The following RUSC2 variants were observed in gnomAD, a reference collection of about 807,000 sequenced individuals.
RUSC2 encodes AP-4 complex accessory subunit RUSC2.
In RUSC2, 34 loss-of-function variants were observed where a neutral mutation model predicts 122.2. That is an observed-to-expected ratio of 0.28 (90% CI 0.21 to 0.37). RUSC2 has a LOEUF of 0.37. RUSC2 is among the 10% of genes least tolerant of loss of function. RUSC2 has a pLI of 1.00. For synonymous variants in RUSC2, 784 were observed against 790.0 expected (o/e 0.99, Z 0.13); for missense variants, 1,747 against 1,952.4 (o/e 0.89, Z 1.98).
At chr9:35,553,698 G>A (rs1273964394) in intron 2 of RUSC2, among the ~76,000 whole-genome samples, 1 of 152,200 alleles carries the variant, frequency 6.6e-6, no homozygotes, top group East Asian at 1.9e-4. Flanking sequence ...TAAGGACGGG[G>A]AAGTGTGGCT....
rs140691290 is a variant in RUSC2 at position 35,499,629 on chromosome 9, A to T, written c.-93+9457A>T. Among the ~76,000 whole-genome samples, 594 of 152,356 alleles carry T rather than the reference A, an allele frequency of 3.9e-3. 7 individuals are homozygous for T. The highest frequency in any genetic ancestry group is 0.014 in the African/African-American group (565 of 41,580). ...ATCTTAGGATCAAAAGTCTATACTTAACTTGTTTATCTTAGGATCCAAAAA... is the reference window on the plus strand; with the variant it reads ...ATCTTAGGATCAAAAGTCTATACTTTACTTGTTTATCTTAGGATCCAAAAA... On this transcript the variant is annotated intron_variant, in intron 1 of 11. Transcript: ENST00000361226.
At chr9:35,540,870 C>A (rs910293195) in intron 1 of RUSC2, among the ~76,000 whole-genome samples, 2 of 152,114 alleles carry the variant, frequency 1.3e-5, no homozygotes, top group Admixed American at 1.3e-4. Flanking sequence ...GGATTGAATC[C>A]CATCTCAGAT....
rs1376162861 is a variant in RUSC2 at position 35,555,261 on chromosome 9, C to G, written c.2216C>G (p.Ala739Gly). 6.2e-7 allele frequency: 1 copy of G among 1,613,486 alleles called. No homozygotes were observed. Among genetic ancestry groups the G allele is most frequent in the East Asian group, 2.2e-5 (1 of 44,878 alleles). ...QQPAPLAAPA[A>G]QVSVPAPSGE... ...CCTGCCCCACTGGCTGCCCCTGCTG[C>G]TCAAGTCTCAGTCCCAGCTCCCTCA... Residue 739 changes from alanine to glycine, a missense_variant, in exon 3 of 12, where the codon GCT (alanine) becomes GGT (glycine). Coordinates refer to ENST00000361226, the MANE Select transcript of RUSC2 (RefSeq NM_014806.5). This position sits in a 1 kb window ranked among gnomAD's most constrained non-coding sequence, Gnocchi z 4.6.
rs1821991610 is a variant in RUSC2 at position 35,555,399 on chromosome 9, G to A, written c.2354G>A (p.Ser785Asn). The A allele has an allele frequency of 5.0e-6, 8 of 1,614,244 alleles. No individual in the cohort carries two copies. Among genetic ancestry groups the A allele is most frequent in the Non-Finnish European group, 5.9e-6 (7 of 1,180,042 alleles). ...CTGGGCAGCTACTCCCCCATCCGGA[G>A]TGTTGGCCCCTTTGGGCCCAGCACT... is the stretch of plus-strand genomic sequence containing the variant. ...SPLGSYSPIR[S>N]VGPFGPSTDS... The change falls in exon 3 of 12, where the codon AGT becomes AAT. Residue 785 changes from serine (S) to asparagine (N), a missense_variant. Physicochemically the swap from Ser to Asn is conservative, Grantham distance 46. Coordinates refer to ENST00000361226, the MANE Select transcript of RUSC2 (RefSeq NM_014806.5). The surrounding 1 kb of genome is among the most constrained non-coding windows in gnomAD (Gnocchi z 4.6).
At chr9:35,531,141 G>A (rs185426579) in intron 1 of RUSC2, among the ~76,000 whole-genome samples, 3 of 152,158 alleles carry the variant, frequency 2.0e-5, no homozygotes. Context: ...GGTACCTGTA[G>A]TCCCAGCTAC....
chr9:35,525,565 C>T (rs927894649), intron 1 of RUSC2, among the ~76,000 whole-genome samples: 1 of 151,894 alleles, frequency 6.6e-6, no homozygotes, highest in African/African-American at 2.4e-5. Context: ...TGTGGGAGGC[C>T]GAGGCAGGCG....
chr9:35,521,684 G>A (rs546652354), intron 1 of RUSC2, among the ~76,000 whole-genome samples: 2 of 152,386 alleles, frequency 1.3e-5, no homozygotes, highest in South Asian at 4.1e-4. Context: ...AGCAAACCAA[G>A]TTCTGTGCTT....
At chr9:35,510,025 T>C (rs1820985068) in intron 1 of RUSC2, among the ~76,000 whole-genome samples, 1 of 152,146 alleles carries the variant, frequency 6.6e-6, no homozygotes. Flanking sequence ...AAAGAGCAAA[T>C]CAGGGTTCTA....
At chr9:35,501,763 T>C (rs777073443) in intron 1 of RUSC2, among the ~76,000 whole-genome samples, 18 of 152,162 alleles carry the variant, frequency 1.2e-4, no homozygotes, top group Non-Finnish European at 1.3e-4. Context: ...GTCTCCAAAT[T>C]CCTATGTGAA....
Position 35,548,230 on chromosome 9 carries a change from C to G in RUSC2, c.1709C>G (p.Ser570Cys), listed in dbSNP as rs369478508. 5.6e-6 allele frequency: 9 copies of G among 1,613,574 alleles called. 1 individual carries two copies. In the South Asian group the frequency reaches 9.9e-5, roughly 18 times the overall value. The stretch of plus-strand genomic sequence containing the variant: ...CTTCGTGTGAGTGTTGGGGACTCCT[C>G]CCAGGAGTTCTCACCCATCCAAGAA... ...PPLRVSVGDS[S>C]QEFSPIQEAQ... Residue 570 changes from serine (S) to cysteine (C), a missense_variant, in exon 2 of 12, where the codon TCC (serine) becomes TGC (cysteine). Ser to Cys is a moderately radical substitution (Grantham distance 112). Transcript: ENST00000361226. The surrounding 1 kb of genome is among the most constrained non-coding windows in gnomAD (Gnocchi z 4.5).
intron 1 of RUSC2, among the ~76,000 whole-genome samples, chr9:35,531,079 G>A (rs1359112829): frequency 1.3e-5 from 2 of 151,492 alleles, no homozygotes; most frequent in African/African-American, 4.8e-5. Flanking sequence ...CTAACATGGT[G>A]AAACCCCGTC....
intron 2 of RUSC2, among the ~76,000 whole-genome samples, chr9:35,552,992 T>A (rs1386196626): frequency 6.6e-6 from 1 of 151,950 alleles, no homozygotes; most frequent in Non-Finnish European, 1.5e-5. Flanking sequence ...GTATAGGGGG[T>A]ATAATAATGC....
intron 1 of RUSC2, among the ~76,000 whole-genome samples, chr9:35,545,145 C>A (rs997072452): frequency 1.3e-5 from 2 of 152,184 alleles, no homozygotes; most frequent in Non-Finnish European, 2.9e-5. Context: ...TTGCCTCAGA[C>A]TTTACCACAT....
At position 35,561,056 on chromosome 9, in the gene RUSC2, G is replaced by A. The variant is rs1822151494; in HGVS notation, c.4308G>A (p.Leu1436=). 1 of 1,614,014 alleles carries A rather than the reference G, an allele frequency of 6.2e-7. No homozygotes were observed. Among genetic ancestry groups the A allele is most frequent in the Admixed American group, 1.7e-5 (1 of 60,002 alleles). ...GGGAGCCAGAGCCCAAGGAGAGCCT[G>A]CAGGAGCCACACTCCCCAGCCCTGC... ...SRREPEPKES[L]QEPHSPALPS... is the part of the protein sequence containing the mutation. The change falls in exon 11 of 12, where the codon CTG becomes CTA. Residue 1436 remains leucine, a synonymous_variant. Transcript: ENST00000361226.
intron 1 of RUSC2, among the ~76,000 whole-genome samples, chr9:35,528,012 G>T (rs1821354028): frequency 6.6e-6 from 1 of 152,232 alleles, no homozygotes; most frequent in South Asian, 2.1e-4. Flanking sequence ...CATAGCTCAT[G>T]AATTTTTCCC....
rs1397795434 is a variant in RUSC2 at position 35,546,937 on chromosome 9, C to G, written c.416C>G (p.Pro139Arg). Residue 139 changes from proline (P) to arginine (R), a missense_variant, in exon 2 of 12, where the codon CCC (proline) becomes CGC (arginine). Pro to Arg is a moderately radical substitution (Grantham distance 103). Transcript: ENST00000361226. This position sits in a 1 kb window ranked among gnomAD's most constrained non-coding sequence, Gnocchi z 4.3. ...QSFHLHGTGQ[P>R]NFHLSSFQLP... ...TTCCACCTGCATGGCACTGGCCAGCCCAACTTTCATCTATCCTCTTTCCAG... is the reference window on the plus strand; with the variant it reads ...TTCCACCTGCATGGCACTGGCCAGCGCAACTTTCATCTATCCTCTTTCCAG... 2 of 1,573,378 alleles carry G rather than the reference C, an allele frequency of 1.3e-6. No homozygotes were observed.
At chr9:35,526,540 G>A (rs1821328637) in intron 1 of RUSC2, among the ~76,000 whole-genome samples, 1 of 152,172 alleles carries the variant, frequency 6.6e-6, no homozygotes, top group Non-Finnish European at 1.5e-5. Context: ...GCAGGGAAAG[G>A]CAAGATAACT....
Position 35,520,201 on chromosome 9 carries a change from C to G in RUSC2, c.-92-26229C>G, listed in dbSNP as rs1047994352. Reference sequence around the variant, plus strand: ...GGACTCCAGAGACTAGCAGGGCAAGCCTCCTGGAAGATGAGATGCCTCCCA... The same window carrying G: ...GGACTCCAGAGACTAGCAGGGCAAGGCTCCTGGAAGATGAGATGCCTCCCA... On this transcript the variant is annotated intron_variant, in intron 1 of 11. Coordinates refer to ENST00000361226, the MANE Select transcript of RUSC2 (RefSeq NM_014806.5). 3.3e-5 allele frequency among the ~76,000 whole-genome samples: 5 copies of G among 152,164 alleles called. No homozygotes were observed. In the East Asian group the frequency reaches 7.7e-4, roughly 23 times the overall value.
chr9:35,532,653 C>T (rs551766800), intron 1 of RUSC2, among the ~76,000 whole-genome samples: 54 of 150,938 alleles, frequency 3.6e-4, no homozygotes, highest in Admixed American at 2.3e-3. Context: ...GGCTGAGGAA[C>T]GAGAATCACT....
Sources: allele counts gnomAD v4.1 joint callset (sites outside exome capture counted in the v4.1 genomes callset), GRCh38; gene constraint gnomAD v4.1.1; non-coding constraint Gnocchi (gnomAD v3.1); transcripts MANE v1.5; gene names NCBI Gene and HGNC (gene_info 2026-07-23, HGNC 2026-07-21).